Variants in VRTN observed in about 807,000 individuals in gnomAD.
VRTN encodes the protein vertnin.
In VRTN, 5 loss-of-function variants were observed where a neutral mutation model predicts 18.2. That is an observed-to-expected ratio of 0.27 (90% confidence interval 0.14 to 0.58). The LOEUF (loss-of-function observed/expected upper bound fraction) is 0.58, where lower values mean the gene tolerates loss of function less well. Among genes scored for constraint, VRTN ranks in the 20% least tolerant of loss-of-function variants. VRTN has a pLI of 0.91. For synonymous variants in VRTN, 381 were observed against 393.7 expected, an observed-to-expected ratio of 0.97 and a Z score of 0.38; for missense variants, 741 against 939.4, an observed-to-expected ratio of 0.79 and a Z score of 2.76.
intron 1 of VRTN, among the ~76,000 whole-genome samples, chr14:74,320,488 T>TCCTGA (rs2085447678): frequency 6.8e-6 from 1 of 146,574 alleles, no homozygotes. Context: ...GGTCTCGATC[T>TCCTGA]CCTGACCTTG....
At chr14:74,344,366 T>C (rs1009379822), upstream of VRTN, among the ~76,000 whole-genome samples, 46 of 132,646 alleles carry the variant, frequency 3.5e-4, no homozygotes, top group Admixed American at 1.7e-3. Context: ...GCCGTGATCA[T>C]GCCAGTGTAC....
rs907971987 is a variant in VRTN, at chr14:74,357,311, G to A, written c.528G>A (p.Leu176=). 6.2e-7 allele frequency: 1 copy of A among 1,613,524 alleles called. No homozygotes were observed. The highest frequency in any genetic ancestry group is 8.5e-7 in the Non-Finnish European group (1 of 1,179,604). ...FPSSFSNVWH[L]YALASVLQRN... ...GCAGCTTCTCCAACGTGTGGCACTT[G>A]TATGCTCTCGCCTCTGTCCTCCAGC... The change falls in exon 2 of 2, where the codon TTG becomes TTA. Residue 176 remains leucine (L), a synonymous_variant. Transcript: ENST00000256362. The surrounding 1 kb of genome is among the most constrained non-coding windows in gnomAD (Gnocchi z 7.8).
At chr14:74,348,821 G>A (rs2085662394) in intron 1 of VRTN, among the ~76,000 whole-genome samples, 169 bp downstream of exon 1, 1 of 151,926 alleles carries the variant, frequency 6.6e-6, no homozygotes, top group South Asian at 2.1e-4. Context: ...GTATGTAGAG[G>A]GAGAGGACGC....
chr14:74,336,671 C>T lies in VRTN; in HGVS notation c.-163-1052C>T, dbSNP rs1174111087. On this transcript the variant is annotated intron_variant, in intron 1 of 2. Transcript: ENST00000557177. ...GGTAATATAATTGAACTAAAATGTTCCCTCCTGGTGAATCGCTTGAACCAG... is the reference window on the plus strand; with the variant it reads ...GGTAATATAATTGAACTAAAATGTTTCCTCCTGGTGAATCGCTTGAACCAG... Among the ~76,000 whole-genome samples the T allele has an allele frequency of 5.9e-5, 9 of 151,944 alleles. No homozygotes were observed. In the East Asian group the frequency reaches 1.7e-3, roughly 29 times the overall value.
intron 1 of VRTN, among the ~76,000 whole-genome samples, chr14:74,310,397 CAAAA>C (rs1204317705): frequency 8.4e-5 from 5 of 59,414 alleles, no homozygotes; most frequent in African/African-American, 2.4e-4. Context: ...AACTCTGTCT[CAAAA>C]AAAAAAAAAA....
At chr14:74,323,721 G>A (rs1280548734) in intron 1 of VRTN, among the ~76,000 whole-genome samples, 3 of 152,074 alleles carry the variant, frequency 2.0e-5, no homozygotes, top group Non-Finnish European at 2.9e-5. Flanking sequence ...AGAATTCCAT[G>A]CAATACTCCC....
chr14:74,321,398 G>A (rs903534554), intron 1 of VRTN, among the ~76,000 whole-genome samples: 1 of 152,268 alleles, frequency 6.6e-6, no homozygotes, highest in East Asian at 1.9e-4. Context: ...GCATGGAAAG[G>A]ATGGGGTGGG....
In VRTN at chr14:74,340,110, ATTTTTTTT is replaced by A. The variant is rs71115984; in HGVS notation, c.-2+2238_-2+2245del. Among the ~76,000 whole-genome samples the A allele has an allele frequency of 8.0e-5, 9 of 113,198 alleles. No homozygotes were observed. In the East Asian group the frequency reaches 2.2e-3, roughly 27 times the overall value. 74.3% of individuals were successfully genotyped at this position (113,198 alleles called of 152,430 possible). On this transcript the variant is annotated intron_variant, in intron 2 of 2. Coordinates refer to the VRTN transcript ENST00000557177. ...GCCACCACACTCAGCTAATGTTTGT[ATTTTTTTT>A]TTTTTTTTTTTGAGACGGAGTTTTG...
chr14:74,357,873 C>T lies in VRTN; in HGVS notation c.1090C>T (p.Pro364Ser), dbSNP rs757348014. The T allele has an allele frequency of 6.9e-5, 112 of 1,613,672 alleles. No individual in the cohort carries two copies. Among genetic ancestry groups the T allele is most frequent in the Non-Finnish European group, 9.1e-5 (107 of 1,180,008 alleles). ...GGGCTCTGGCACCTGCCCGGCCTTG[C>T]CCCCCAGGGAGGTGCTGGGCATGGA... ...LLGSGTCPALPPREVLGMEEL... is the reference protein window; with the variant it reads ...LLGSGTCPALSPREVLGMEEL... The change falls in exon 2 of 2, where the codon CCC (proline) becomes TCC (serine). Residue 364 changes from proline to serine, a missense_variant. Around this residue, in one of 3 missense-constraint regions of VRTN, gnomAD observed 494 missense variants for 546.5 expected, o/e 0.90. Coordinates refer to ENST00000256362, the MANE Select transcript of VRTN (RefSeq NM_018228.3). This position sits in a 1 kb window ranked among gnomAD's most constrained non-coding sequence, Gnocchi z 7.8.
Position 74,340,252 on chromosome 14 carries a change from A to G in VRTN, c.-2+2368A>G, listed in dbSNP as rs142029976. On this transcript the variant is annotated intron_variant, in intron 2 of 2. Transcript: ENST00000557177. Reference sequence around the variant, plus strand: ...TTCAGCCTCCCTAGTAGCTGGGATTATAGGCATGTGCCACCACGCCCGGCT... The same window carrying G: ...TTCAGCCTCCCTAGTAGCTGGGATTGTAGGCATGTGCCACCACGCCCGGCT... Among the ~76,000 whole-genome samples, 884 of 151,922 alleles carry G rather than the reference A, an allele frequency of 5.8e-3. 9 individuals are homozygous for G. Among genetic ancestry groups the G allele is most frequent in the African/African-American group, 0.018 (749 of 41,446 alleles).
chr14:74,306,173 T>TATATATATATATATATG (rs1491480014), intron 1 of VRTN: 1 of 48,036 alleles, frequency 2.1e-5, no homozygotes, highest in African/African-American at 1.0e-4. Context: ...TATATATATA[T>TATATATATATATATATG]TTTTTTTTTT....
In VRTN at chr14:74,358,106, A is replaced by G. The variant is rs1172581463; in HGVS notation, c.1323A>G (p.Arg441=). The G allele has an allele frequency of 6.2e-7, 1 of 1,614,128 alleles. No individual in the cohort carries two copies. Among genetic ancestry groups the G allele is most frequent in the Non-Finnish European group, 8.5e-7 (1 of 1,180,024 alleles). Residue 441 remains arginine (R), a synonymous_variant, in exon 2 of 2, where the codon CGA becomes CGG. Coordinates refer to ENST00000256362, the MANE Select transcript of VRTN (RefSeq NM_018228.3). This position sits in a 1 kb window ranked among gnomAD's most constrained non-coding sequence, Gnocchi z 5.4. ...ISRSTYYNWR[R]KALRRNPSFK... ...GGTCCACTTATTATAATTGGCGGCG[A>G]AAGGCCCTCCGGAGGAACCCCAGCT...
chr14:74,341,247 G>A (rs1056544928), intron 2 of VRTN, among the ~76,000 whole-genome samples: 2 of 152,244 alleles, frequency 1.3e-5, no homozygotes, highest in South Asian at 2.1e-4. Flanking sequence ...CCTCTCTGGG[G>A]TTGTTACCAT....
intron 1 of VRTN, among the ~76,000 whole-genome samples, chr14:74,318,675 G>T (rs533071273): frequency 6.6e-6 from 1 of 150,602 alleles, no homozygotes; most frequent in African/African-American, 2.4e-5. Context: ...GCCTCCCAAA[G>T]TGCTGGGATT....
At chr14:74,308,089 A>C (rs886600117) in intron 1 of VRTN, among the ~76,000 whole-genome samples, 1 of 152,046 alleles carries the variant, frequency 6.6e-6, no homozygotes, top group African/African-American at 2.4e-5. Context: ...TTTTCTTTTT[A>C]TTTTATTTTT....
chr14:74,327,501 C>T (rs1697601509), intron 1 of VRTN, among the ~76,000 whole-genome samples: 1 of 152,108 alleles, frequency 6.6e-6, no homozygotes, highest in South Asian at 2.1e-4. Flanking sequence ...TCCCAGGCAG[C>T]CTCCTAAAGT....
chr14:74,342,128 A>C (rs2085609255), intron 2 of VRTN, among the ~76,000 whole-genome samples: 1 of 152,070 alleles, frequency 6.6e-6, no homozygotes. Context: ...CCTGTTCCTC[A>C]GGAGGCAGAG....
chr14:74,346,301 AAAAAGAAAAG>A (rs542680436), upstream of VRTN, among the ~76,000 whole-genome samples: 6 of 152,194 alleles, frequency 3.9e-5, no homozygotes, highest in Non-Finnish European at 5.9e-5. Context: ...CCTGTGTCAA[AAAAAGAAAAG>A]AAAAGAAAAG....
Position 74,358,572 on chromosome 14 carries a change from G to A in VRTN, c.1789G>A (p.Glu597Lys). Reference protein sequence around the residue: ...VMAPPVGASSEDVEGGPSREG... With the variant: ...VMAPPVGASSKDVEGGPSREG... Reference sequence around the variant, plus strand: ...GGCCCCACCTGTGGGGGCTTCTTCAGAAGATGTAGAGGGAGGGCCTTCCAG... The same window carrying A: ...GGCCCCACCTGTGGGGGCTTCTTCAAAAGATGTAGAGGGAGGGCCTTCCAG... The change falls in exon 2 of 2, where the codon GAA becomes AAA. Residue 597 changes from glutamate to lysine, a missense_variant. Coordinates refer to ENST00000256362, the MANE Select transcript of VRTN (RefSeq NM_018228.3). The surrounding 1 kb of genome is among the most constrained non-coding windows in gnomAD (Gnocchi z 5.4). 1 of 1,606,350 alleles carries A rather than the reference G, an allele frequency of 6.2e-7. No individual in the cohort carries two copies. The highest frequency in any genetic ancestry group is 8.5e-7 in the Non-Finnish European group (1 of 1,175,912).
Sources: gnomAD v4.1 joint callset for allele counts (sites outside exome capture counted in the v4.1 genomes callset) on GRCh38, gnomAD v4.1.1 for gene constraint, gnomAD v4.1.1 regional missense constraint, Gnocchi (gnomAD v3.1) non-coding constraint, MANE v1.5 for transcripts, NCBI Gene and HGNC (gene_info 2026-07-23, HGNC 2026-07-21) for gene names.